Variants in ASMTL observed in about 807,000 individuals in gnomAD.
The protein encoded by ASMTL is probable bifunctional dTTP/UTP pyrophosphatase/methyltransferase protein.
ASMTL carries 57 observed loss-of-function variants against 60.3 expected under a neutral mutation model. That is an observed-to-expected ratio of 0.95 (90% CI 0.76 to 1.18). The LOEUF is 1.18. Ranked by LOEUF, ASMTL falls within the 50% of genes most tolerant of loss-of-function variation. The pLI is 0.00. For missense variants in ASMTL, 981 were observed against 852.6 expected, an observed-to-expected ratio of 1.15 and a Z score of -1.88; for synonymous variants, 419 against 373.0, an observed-to-expected ratio of 1.12 and a Z score of -1.42.
intron 11 of ASMTL, 35 bp from the exon 12 acceptor site, chrX:1,412,889 G>A: frequency 2.5e-6 from 4 of 1,613,058 alleles, no homozygotes; most frequent in Non-Finnish European, 3.4e-6. Flanking sequence ...CGTCCGTCAG[G>A]TATGGAAGAA....
At chrX:1,435,126 C>T (rs748056753) in intron 4 of ASMTL, 43 bp from the exon 5 acceptor site, 36 of 1,605,626 alleles carry the variant, frequency 2.2e-5, no homozygotes, top group African/African-American at 1.5e-4. Context: ...TGCTGTGACC[C>T]GTGGGAGCTA....
chrX:1,442,225 G>T lies in ASMTL; in HGVS notation c.186C>A (p.Ala62=), dbSNP rs2091123621. 1 of 1,613,840 alleles carries T rather than the reference G, an allele frequency of 6.2e-7. No homozygotes were observed. The highest frequency in any genetic ancestry group is 1.1e-5 in the South Asian group (1 of 91,076). Residue 62 remains alanine (A), a synonymous_variant, in exon 2 of 13, where the codon GCC becomes GCA. Coordinates refer to ENST00000381317, the MANE Select transcript of ASMTL (RefSeq NM_004192.4). The part of the protein sequence containing the change: ...ATPYGYAMET[A]KQKALEVANR... ...TGGCCACCTCCAGGGCCTTCTGCTT[G>T]GCGGTCTCCATGGCGTACCCATACG...
rs182513161 is a variant in ASMTL, at chrX:1,443,001, G to A, written c.94-684C>T. ...ACAGAGCAAAAGCATCGCCATCTTG[G>A]ACACACACCGCCATCTTGGAGAGAC... On this transcript the variant is annotated intron_variant, in intron 1 of 12. Transcript: ENST00000381317. Among the ~76,000 whole-genome samples, 66 of 152,326 alleles carry A rather than the reference G, an allele frequency of 4.3e-4. 1 individual carries two copies. Among genetic ancestry groups the A allele is most frequent in the Middle Eastern group, 3.4e-3 (1 of 294 alleles).
At chrX:1,432,431 G>A in intron 5 of ASMTL, 54 bp from the exon 6 acceptor site, 1 of 1,378,934 alleles carries the variant, frequency 7.3e-7, no homozygotes, top group Non-Finnish European at 1.0e-6. Context: ...TCACCTCCGT[G>A]CCCTGACAGC....
chrX:1,432,513 A>G, intron 5 of ASMTL, 136 bp from the exon 6 acceptor site: 2 of 699,134 alleles, frequency 2.9e-6, no homozygotes, highest in Non-Finnish European at 5.1e-6. Flanking sequence ...TCATGGGAGA[A>G]TAAGGTTCAT....
In ASMTL at chrX:1,421,717, G is replaced by T. The variant is rs536802259; in HGVS notation, c.1186C>A (p.Arg396=). Residue 396 remains arginine, a synonymous_variant, in exon 9 of 13, where the codon CGA becomes AGA. Coordinates refer to ENST00000381317, the MANE Select transcript of ASMTL (RefSeq NM_004192.4). The part of the protein sequence containing the change: ...NLFTYLEFAI[R]EGTNQHHRAL... ...CTGTGGTGCTGGTTTGTTCCCTCTC[G>T]GATGGCAAACTCCAGGTATGTAAAG... The T allele has an allele frequency of 9.3e-6, 15 of 1,613,712 alleles. No individual in the cohort carries two copies. The highest frequency in any genetic ancestry group is 1.2e-5 in the Non-Finnish European group (14 of 1,179,850).
At chrX:1,449,996 CCCCATCACCAGTAACTATCT>C (rs1569535141) in intron 1 of ASMTL, among the ~76,000 whole-genome samples, 9 of 150,664 alleles carry the variant, frequency 6.0e-5, no homozygotes, top group East Asian at 2.0e-4. Context: ...GGTAACTACG[CCCCATCACCAGTAACTATCT>C]CCCATCACCA....
chrX:1,407,848 A>T (rs1603450263), intron 12 of ASMTL, among the ~76,000 whole-genome samples: 1 of 152,184 alleles, frequency 6.6e-6, no homozygotes, highest in East Asian at 1.9e-4. Context: ...TGATGATGAT[A>T]GATGAGATAC....
chrX:1,422,612 G>T (rs1290769869), intron 8 of ASMTL, among the ~76,000 whole-genome samples: 3 of 152,116 alleles, frequency 2.0e-5, no homozygotes, highest in Non-Finnish European at 4.4e-5. Flanking sequence ...GGAAGGTGGA[G>T]AAGTTGTTGG....
At chrX:1,411,691 C>T (rs2090028939) in intron 12 of ASMTL, among the ~76,000 whole-genome samples, 1 of 150,364 alleles carries the variant, frequency 6.7e-6, no homozygotes, top group Admixed American at 6.7e-5. Context: ...AACACCAGCC[C>T]ACGGCTTCCT....
At chrX:1,452,705 C>A in intron 1 of ASMTL, 43 bp downstream of exon 1, 1 of 1,519,334 alleles carries the variant, frequency 6.6e-7, no homozygotes, top group Non-Finnish European at 8.9e-7. Context: ...GGGTTCAGCC[C>A]CTCCGTCCCC....
intron 1 of ASMTL, among the ~76,000 whole-genome samples, chrX:1,448,023 T>C (rs1415768761): frequency 1.3e-5 from 2 of 148,640 alleles, no homozygotes; most frequent in African/African-American, 5.1e-5. Flanking sequence ...ACACACCATC[T>C]TGGACACACA....
At chrX:1,436,127 C>T (rs1273864850) in intron 3 of ASMTL, among the ~76,000 whole-genome samples, 1 of 152,146 alleles carries the variant, frequency 6.6e-6, no homozygotes, top group Non-Finnish European at 1.5e-5. Flanking sequence ...TGTCACTGAC[C>T]GTGATGTCCT....
intron 8 of ASMTL, among the ~76,000 whole-genome samples, chrX:1,423,923 T>G (rs752490532): frequency 6.7e-6 from 1 of 149,638 alleles, no homozygotes; most frequent in Admixed American, 6.6e-5. Flanking sequence ...CATCCACTGA[T>G]GGATCCACTG....
chrX:1,430,910 A>G (rs2090755074), intron 6 of ASMTL, among the ~76,000 whole-genome samples: 1 of 143,156 alleles, frequency 7.0e-6, no homozygotes, highest in South Asian at 2.1e-4. Flanking sequence ...ATATTTATAT[A>G]ACACATAATA....
At chrX:1,431,387 C>G (rs1348901483) in intron 6 of ASMTL, among the ~76,000 whole-genome samples, 1 of 132,888 alleles carries the variant, frequency 7.5e-6, no homozygotes, top group Non-Finnish European at 1.5e-5. Context: ...TCGATTATAA[C>G]TACCTATTAT....
rs5948865 is a variant in ASMTL, at chrX:1,428,198, C to A, written c.510-77G>T. The A allele has an allele frequency of 0.69, 1,047,354 of 1,511,066 alleles. 366,221 individuals are homozygous for A. Among genetic ancestry groups the A allele is most frequent in the East Asian group, 0.84 (36,962 of 43,778 alleles). The allele number at this position is 1,511,066 out of a possible 1,614,324, so 93.6% of individuals were successfully genotyped here. On this transcript the variant is annotated intron_variant, in intron 6 of 12. Transcript: ENST00000381317. Reference sequence around the variant, plus strand: ...GTCTGAACATTTCACGGCTGGGAGGCGGAGGTGGGTGGATCACGAGGTCGG... The same window carrying A: ...GTCTGAACATTTCACGGCTGGGAGGAGGAGGTGGGTGGATCACGAGGTCGG...
intron 2 of ASMTL, among the ~76,000 whole-genome samples, chrX:1,439,799 G>A (rs1327992269): frequency 6.8e-6 from 1 of 147,556 alleles, no homozygotes; most frequent in Admixed American, 6.8e-5. Flanking sequence ...TTGCGCACCT[G>A]CACTCCAGCC....
intron 5 of ASMTL, 75 bp from the exon 6 acceptor site, chrX:1,432,452 T>TCA: frequency 1.8e-6 from 2 of 1,115,232 alleles, no homozygotes; most frequent in Non-Finnish European, 2.7e-6. Context: ...TGCGTGGCTG[T>TCA]GCTGTGGAGG....
Sources: allele counts gnomAD v4.1 joint callset (sites outside exome capture counted in the v4.1 genomes callset), GRCh38; gene constraint gnomAD v4.1.1; transcripts MANE v1.5; gene names NCBI Gene and HGNC (gene_info 2026-07-23, HGNC 2026-07-21).